AGBL4: variants seen among roughly 807,000 people sequenced by gnomAD.
AGBL4 encodes cytosolic carboxypeptidase 6.
In AGBL4, 58 loss-of-function variants were observed where a neutral mutation model predicts 66.4. That is an observed-to-expected ratio of 0.87 (90% CI 0.71 to 1.09). The LOEUF (loss-of-function observed/expected upper bound fraction) is 1.09, where lower values mean the gene tolerates loss of function less well. Among genes scored for constraint, AGBL4 ranks in the 50% least tolerant of loss-of-function variants. AGBL4 has a pLI of 0.00. For missense variants in AGBL4, 579 were observed against 631.0 expected, an observed-to-expected ratio of 0.92 and a Z score of 0.88; for synonymous variants, 234 against 222.9, an observed-to-expected ratio of 1.05 and a Z score of -0.44.
chr1:49,344,041 T>C (rs1055515370), intron 3 of AGBL4, among the ~76,000 whole-genome samples: 2 of 152,196 alleles, frequency 1.3e-5, no homozygotes, highest in Non-Finnish European at 2.9e-5. Flanking sequence ...TTTAGAGCCA[T>C]TAGATTCCAG....
chr1:49,844,822 G>C, intron 2 of AGBL4: 2 of 1,533,954 alleles, frequency 1.3e-6, no homozygotes, highest in Admixed American at 3.4e-5. Flanking sequence ...TGAAGACACT[G>C]TGGGCCACTG....
intron 3 of AGBL4, among the ~76,000 whole-genome samples, chr1:49,372,671 CTTTCTTTCTCTT>C (rs1644387756): frequency 1.8e-5 from 2 of 113,566 alleles, no homozygotes; most frequent in African/African-American, 3.3e-5. Context: ...TTCTTTCTTT[CTTTCTTTCTCTT>C]TCTTTCTCTT....
chr1:49,176,017 C>A (rs1557701870), intron 4 of AGBL4, among the ~76,000 whole-genome samples: 1 of 152,102 alleles, frequency 6.6e-6, no homozygotes, highest in Non-Finnish European at 1.5e-5. Context: ...ATACAATACA[C>A]AATCACTCTA....
At chr1:49,566,783 C>T (rs1220254771) in intron 3 of AGBL4, among the ~76,000 whole-genome samples, 1 of 46,036 alleles carries the variant, frequency 2.2e-5, no homozygotes, top group African/African-American at 5.3e-5. Flanking sequence ...ATTCTCAGAT[C>T]TCAAGCTGCG....
chr1:48,868,105 T>C (rs1403296956), intron 5 of AGBL4, among the ~76,000 whole-genome samples: 1 of 152,192 alleles, frequency 6.6e-6, no homozygotes, highest in East Asian at 1.9e-4. Flanking sequence ...CTCTTTCTCT[T>C]TCCTACACTT....
chr1:49,279,364 A>T (rs1456104964), intron 3 of AGBL4, among the ~76,000 whole-genome samples: 1 of 152,224 alleles, frequency 6.6e-6, no homozygotes. Context: ...TAAATTAACA[A>T]TTACAAATCT....
At chr1:48,689,219 A>AAAAAAAAAAAAAAAAAAAAG (rs1553207682) in intron 6 of AGBL4, among the ~76,000 whole-genome samples, 9 of 141,510 alleles carry the variant, frequency 6.4e-5, no homozygotes, top group African/African-American at 2.8e-4. Context: ...AAAAAAAAAA[A>AAAAAAAAAAAAAAAAAAAAG]AAAAGAAAAG....
intron 3 of AGBL4, among the ~76,000 whole-genome samples, chr1:49,497,280 G>A (rs1234869312): frequency 1.3e-5 from 2 of 151,934 alleles, no homozygotes; most frequent in Non-Finnish European, 2.9e-5. Context: ...CTTATCAGAT[G>A]TAAAGGTTGA....
intron 3 of AGBL4, among the ~76,000 whole-genome samples, chr1:49,327,412 T>C (rs1416807493): frequency 6.6e-6 from 1 of 152,220 alleles, no homozygotes; most frequent in Non-Finnish European, 1.5e-5. Context: ...ACTATTATCT[T>C]AGTCCATTCA....
intron 1 of AGBL4, among the ~76,000 whole-genome samples, chr1:49,900,749 C>A (rs948349618): frequency 6.6e-6 from 1 of 152,182 alleles, no homozygotes; most frequent in Non-Finnish European, 1.5e-5. Flanking sequence ...CTGGGACACT[C>A]CTCTGATTCA....
At chr1:48,935,801 TACAAA>T (rs1655402722) in intron 5 of AGBL4, among the ~76,000 whole-genome samples, 1 of 149,032 alleles carries the variant, frequency 6.7e-6, no homozygotes, top group Non-Finnish European at 1.5e-5. Context: ...CTACTAAAAA[TACAAA>T]AAATCAGCTG....
intron 2 of AGBL4, among the ~76,000 whole-genome samples, chr1:49,698,823 T>A (rs1378250754): frequency 1.3e-5 from 2 of 152,240 alleles, no homozygotes; most frequent in South Asian, 4.1e-4. Flanking sequence ...ATTTTGTTCT[T>A]CATACTAAAA....
At chr1:49,478,032 T>A (rs555575887) in intron 3 of AGBL4, among the ~76,000 whole-genome samples, 3 of 151,490 alleles carry the variant, frequency 2.0e-5, no homozygotes, top group East Asian at 2.0e-4. Context: ...GAAAAAATTT[T>A]AAAAAAGAAT....
chr1:49,170,724 A>C (rs1474798335), intron 4 of AGBL4, among the ~76,000 whole-genome samples: 1 of 151,536 alleles, frequency 6.6e-6, no homozygotes, highest in Non-Finnish European at 1.5e-5. Context: ...TTTAAAACTT[A>C]TCCTTGGATA....
intron 2 of AGBL4, among the ~76,000 whole-genome samples, chr1:49,728,316 T>TAAACTACACA (rs1260091354): frequency 6.6e-6 from 1 of 152,202 alleles, no homozygotes; most frequent in Non-Finnish European, 1.5e-5. Flanking sequence ...AAGATCTTCT[T>TAAACTACACA]AAACTACACA....
At chr1:48,536,971 A>G (rs1453444330) in intron 12 of AGBL4, among the ~76,000 whole-genome samples, 1 of 152,228 alleles carries the variant, frequency 6.6e-6, no homozygotes, top group Non-Finnish European at 1.5e-5. Context: ...TGATGCCGGC[A>G]GGCTTCTGCC....
At chr1:48,795,296 C>G (rs141788794) in intron 6 of AGBL4, among the ~76,000 whole-genome samples, 7 of 152,148 alleles carry the variant, frequency 4.6e-5, no homozygotes, top group Non-Finnish European at 7.4e-5. Flanking sequence ...ATCTCTACCC[C>G]CTACCAACTC....
At chr1:48,705,237 A>T (rs540255587) in intron 6 of AGBL4, among the ~76,000 whole-genome samples, 4 of 152,370 alleles carry the variant, frequency 2.6e-5, no homozygotes, top group Non-Finnish European at 5.9e-5. Flanking sequence ...TTAAAAAAAT[A>T]GAGAAAACAT....
chr1:49,183,844 A>ACCTGACCACTCCATGTGGTC (rs1646970254), intron 4 of AGBL4, among the ~76,000 whole-genome samples: 1 of 152,138 alleles, frequency 6.6e-6, no homozygotes, highest in Non-Finnish European at 1.5e-5. Flanking sequence ...GACTTCCTTG[A>ACCTGACCACTCCATGTGGTC]CCTGACCACT....
Sources: allele counts gnomAD v4.1 joint callset (sites outside exome capture counted in the v4.1 genomes callset), GRCh38; gene constraint gnomAD v4.1.1; transcripts MANE v1.5; gene names NCBI Gene and HGNC (gene_info 2026-07-23, HGNC 2026-07-21).